MYLK3: variants seen among roughly 807,000 people sequenced by gnomAD.
The protein encoded by MYLK3 is myosin light chain kinase 3.
Under a neutral mutation model 76.3 loss-of-function variants are expected in MYLK3, and 55 were observed. That is an observed-to-expected ratio of 0.72 (90% CI 0.58 to 0.90). The LOEUF is 0.90. Ranked by LOEUF, MYLK3 falls within the 40% of genes least tolerant of loss-of-function variation. The probability of loss-of-function intolerance (pLI) is 0.00; values close to 1 mark genes in which losing one functional copy is unlikely to be tolerated. For synonymous variants in MYLK3, 416 were observed against 425.4 expected (o/e 0.98, Z 0.27); for missense variants, 973 against 1,053.6 (o/e 0.92, Z 1.06).
intron 3 of MYLK3, 150 bp downstream of exon 3, chr16:46,737,561 C>T: frequency 1.4e-6 from 1 of 712,054 alleles, no homozygotes; most frequent in Non-Finnish European, 2.3e-6. Context: ...GTACTCTAAG[C>T]TCCCAGAGGC....
upstream of MYLK3, among the ~76,000 whole-genome samples, chr16:46,749,305 G>A (rs1460436402): frequency 6.6e-6 from 1 of 152,260 alleles, no homozygotes; most frequent in Non-Finnish European, 1.5e-5. Flanking sequence ...AAAGCCCAGA[G>A]AGGGGCATTT....
intron 12 of MYLK3, 80 bp downstream of exon 12, chr16:46,709,459 A>G: frequency 1.4e-6 from 2 of 1,465,108 alleles, no homozygotes; most frequent in Non-Finnish European, 9.2e-7. Flanking sequence ...AAAAAAAAGA[A>G]AAGGAAACTT....
intron 12 of MYLK3, among the ~76,000 whole-genome samples, chr16:46,709,084 T>C (rs532189624): frequency 4.6e-5 from 7 of 152,318 alleles, no homozygotes; most frequent in South Asian, 2.1e-4. Context: ...GAGAGATTTT[T>C]CCCCCTAAAT....
intron 1 of MYLK3, among the ~76,000 whole-genome samples, chr16:46,743,405 G>T (rs67789219): frequency 0.18 from 27,703 of 152,140 alleles, 2,944 homozygotes; most frequent in African/African-American, 0.28. Context: ...GATGTGTTTA[G>T]CAGCTGTGGC....
At chr16:46,715,286 G>A (rs113597895) in intron 9 of MYLK3, among the ~76,000 whole-genome samples, 1 of 152,160 alleles carries the variant, frequency 6.6e-6, no homozygotes, top group Non-Finnish European at 1.5e-5. Flanking sequence ...GTTGCATCCA[G>A]CATACCACTC....
At position 46,740,046 on chromosome 16, in the gene MYLK3, G is replaced by A. The variant is rs1173103062; in HGVS notation, c.568+11C>T. 6.2e-7 allele frequency: 1 copy of A among 1,604,048 alleles called. No homozygotes were observed. The highest frequency in any genetic ancestry group is 1.7e-5 in the Admixed American group (1 of 59,496). On this transcript the variant is annotated intron_variant, in intron 2 of 12. Transcript: ENST00000394809. ...TGCAATGTTAGATAAAGCAAATGGG[G>A]TCCCACTCACCTTCCCCAGGCTCCC...
At chr16:46,709,079 A>G (rs1004585951) in intron 12 of MYLK3, among the ~76,000 whole-genome samples, 1 of 152,102 alleles carries the variant, frequency 6.6e-6, no homozygotes, top group Non-Finnish European at 1.5e-5. Context: ...CATGAGAGAG[A>G]TTTTTCCCCC....
rs1412745879 is a variant in MYLK3 at position 46,727,329 on chromosome 16, G to T, written c.1821C>A (p.His607Gln). 17 of 1,613,942 alleles carry T rather than the reference G, an allele frequency of 1.1e-5. No homozygotes were observed. The highest frequency in any genetic ancestry group is 1.4e-5 in the Non-Finnish European group (17 of 1,179,796). ...ACAGGACCACATCCAGCTCAGTCAG[G>T]TGGTACTTCTCATCTGTGATCCGGT... is the stretch of plus-strand genomic sequence containing the variant. ...LFDRITDEKY[H>Q]LTELDVVLFT... The change falls in exon 8 of 13, where the codon CAC becomes CAA. Residue 607 changes from histidine (H) to glutamine (Q), a missense_variant. By Grantham distance (24) the His-to-Gln change is conservative. Transcript: ENST00000394809.
intron 1 of MYLK3, among the ~76,000 whole-genome samples, chr16:46,744,402 G>A (rs1436859100): frequency 7.2e-6 from 1 of 138,362 alleles, no homozygotes; most frequent in African/African-American, 2.8e-5. Flanking sequence ...GTATGGTGGT[G>A]CAATCTTGGC....
chr16:46,736,056 G>A (rs947515754), intron 3 of MYLK3, among the ~76,000 whole-genome samples: 13 of 152,096 alleles, frequency 8.5e-5, no homozygotes, highest in East Asian at 1.9e-4. Flanking sequence ...CTCCCAGGCT[G>A]GAGTGCAATG....
intron 1 of MYLK3, among the ~76,000 whole-genome samples, chr16:46,759,207 C>G (rs1332710197): frequency 6.6e-6 from 1 of 152,262 alleles, no homozygotes; most frequent in African/African-American, 2.4e-5. Flanking sequence ...GAAGACTTCT[C>G]ATTTACTCTC....
At chr16:46,740,797 C>T (rs115391969) in intron 1 of MYLK3, among the ~76,000 whole-genome samples, 2,601 of 152,166 alleles carry the variant, frequency 0.017, 77 homozygotes, top group African/African-American at 0.059. Context: ...AGCTACTCTC[C>T]CTCCTCAGCC....
intron 1 of MYLK3, among the ~76,000 whole-genome samples, chr16:46,747,326 A>C (rs1207082813): frequency 1.3e-5 from 2 of 152,172 alleles, no homozygotes; most frequent in African/African-American, 4.8e-5. Flanking sequence ...GTTTCTGAGC[A>C]GGGCTCCATC....
intron 1 of MYLK3, among the ~76,000 whole-genome samples, chr16:46,758,317 C>T (rs1409813946): frequency 1.9e-5 from 2 of 105,902 alleles, no homozygotes; most frequent in East Asian, 4.2e-4. Context: ...CTCTCTCTCT[C>T]TCTCTCTCTC....
intron 3 of MYLK3, among the ~76,000 whole-genome samples, chr16:46,737,265 C>A (rs955774833): frequency 1.3e-5 from 2 of 152,174 alleles, no homozygotes; most frequent in South Asian, 4.1e-4. Flanking sequence ...CCACATTCAC[C>A]TTCTGTGGAT....
At chr16:46,714,074 AAG>A (rs1228998249) in intron 9 of MYLK3, among the ~76,000 whole-genome samples, 1 of 152,176 alleles carries the variant, frequency 6.6e-6, no homozygotes, top group Non-Finnish European at 1.5e-5. Flanking sequence ...TAAGGCTAGG[AAG>A]AGAGTCAACG....
chr16:46,727,429 G>A (rs1275698240), intron 7 of MYLK3, 52 bp from the exon 8 acceptor site: 2 of 1,556,984 alleles, frequency 1.3e-6, no homozygotes, highest in South Asian at 1.2e-5. Flanking sequence ...GCTCTTCAGG[G>A]CTTGTCCACT....
intron 1 of MYLK3, among the ~76,000 whole-genome samples, chr16:46,741,519 G>C (rs1331938541): frequency 6.6e-6 from 1 of 152,202 alleles, no homozygotes; most frequent in Non-Finnish European, 1.5e-5. Context: ...CTTCCGTGAA[G>C]TCCCTAAGAT....
intron 3 of MYLK3, among the ~76,000 whole-genome samples, chr16:46,734,332 G>A (rs928037367): frequency 9.9e-5 from 15 of 152,130 alleles, no homozygotes; most frequent in Non-Finnish European, 1.8e-4. Flanking sequence ...CAAATCCTGT[G>A]GCCAGGTGCA....
Sources: allele counts gnomAD v4.1 joint callset (sites outside exome capture counted in the v4.1 genomes callset), GRCh38; gene constraint gnomAD v4.1.1; transcripts MANE v1.5; gene names NCBI Gene and HGNC (gene_info 2026-07-23, HGNC 2026-07-21).